Variants in TSHZ2 observed in about 807,000 individuals in gnomAD.
The protein encoded by TSHZ2 is teashirt homolog 2.
In TSHZ2, 21 loss-of-function variants were observed where a neutral mutation model predicts 74.4. The ratio of observed to expected loss-of-function variants is 0.28; its 90% CI spans 0.20 to 0.41. The LOEUF is 0.41. TSHZ2 is among the 10% of genes least tolerant of loss of function. The pLI, the probability that TSHZ2 is intolerant of heterozygous loss-of-function variation, is 1.00. For synonymous variants in TSHZ2, 540 were observed against 515.3 expected, an observed-to-expected ratio of 1.05 and a Z score of -0.65; for missense variants, 1,244 against 1,293.5, an observed-to-expected ratio of 0.96 and a Z score of 0.59.
At chr20:53,026,892 C>T (rs796640356) in intron 1 of TSHZ2, among the ~76,000 whole-genome samples, 38 of 152,108 alleles carry the variant, frequency 2.5e-4, no homozygotes, top group African/African-American at 8.9e-4. Context: ...AATCCCAGCA[C>T]TTTTGGAGAT....
chr20:53,378,525 CT>C (rs1268142447), intron 2 of TSHZ2, among the ~76,000 whole-genome samples: 1 of 151,560 alleles, frequency 6.6e-6, no homozygotes, highest in African/African-American at 2.4e-5. Context: ...GGTTTTCCCC[CT>C]GTTTCAGTGT....
chr20:53,036,645 TTATA>T (rs908912424), intron 1 of TSHZ2, among the ~76,000 whole-genome samples: 4 of 146,782 alleles, frequency 2.7e-5, no homozygotes, highest in African/African-American at 9.9e-5. Context: ...GCATTACACA[TTATA>T]TATTATATAT....
At chr20:53,353,236 CA>C (rs1980723074) in intron 2 of TSHZ2, among the ~76,000 whole-genome samples, 1 of 152,172 alleles carries the variant, frequency 6.6e-6, no homozygotes, top group South Asian at 2.1e-4. Flanking sequence ...GCTGTGACTG[CA>C]TAGCAAACAC....
intron 2 of TSHZ2, among the ~76,000 whole-genome samples, chr20:53,273,743 A>G (rs948566610): frequency 6.6e-6 from 1 of 152,158 alleles, no homozygotes. Flanking sequence ...ATGGGAAGGA[A>G]TGCGTGGACC....
chr20:53,385,222 A>G (rs1336836050), intron 2 of TSHZ2, among the ~76,000 whole-genome samples: 1 of 152,218 alleles, frequency 6.6e-6, no homozygotes, highest in Non-Finnish European at 1.5e-5. Flanking sequence ...TAGGAATAAT[A>G]TAAAAACAGG....
At chr20:53,109,276 G>A (rs1030467715) in intron 1 of TSHZ2, among the ~76,000 whole-genome samples, 1 of 152,194 alleles carries the variant, frequency 6.6e-6, no homozygotes, top group South Asian at 2.1e-4. Context: ...TGGCCCACAG[G>A]AAGTGCTCAT....
intron 1 of TSHZ2, among the ~76,000 whole-genome samples, chr20:53,076,254 G>T (rs1015992733): frequency 4.6e-5 from 7 of 152,186 alleles, no homozygotes; most frequent in Admixed American, 3.9e-4. Flanking sequence ...CTGGATGACA[G>T]CAGAAAGGAT....
chr20:53,174,291 TAGAAAA>T (rs1463883387), intron 1 of TSHZ2, among the ~76,000 whole-genome samples: 5 of 152,060 alleles, frequency 3.3e-5, no homozygotes, highest in East Asian at 3.9e-4. Flanking sequence ...TAAAATCAAG[TAGAAAA>T]AGAAAAAGGA....
At chr20:53,051,580 A>G (rs1054661046) in intron 1 of TSHZ2, among the ~76,000 whole-genome samples, 1 of 152,036 alleles carries the variant, frequency 6.6e-6, no homozygotes, top group Non-Finnish European at 1.5e-5. Context: ...GATATCAAGT[A>G]GTTTTATTGA....
intron 1 of TSHZ2, among the ~76,000 whole-genome samples, chr20:53,145,055 A>G (rs568568367): frequency 6.6e-6 from 1 of 152,346 alleles, no homozygotes; most frequent in South Asian, 2.1e-4. Flanking sequence ...ACAAGAATGT[A>G]TTCAACTAAA....
chr20:53,013,011 G>GA (rs1054438512), intron 1 of TSHZ2, among the ~76,000 whole-genome samples: 1 of 151,866 alleles, frequency 6.6e-6, no homozygotes, highest in African/African-American at 2.4e-5. Flanking sequence ...TATGATCTCA[G>GA]AAAAAAAGAA....
At chr20:53,102,647 A>G (rs984891084) in intron 1 of TSHZ2, among the ~76,000 whole-genome samples, 1 of 152,216 alleles carries the variant, frequency 6.6e-6, no homozygotes, top group East Asian at 1.9e-4. Context: ...GGGTTCTACA[A>G]TAGTGATTCT....
intron 1 of TSHZ2, among the ~76,000 whole-genome samples, chr20:52,977,021 A>G (rs1981366636): frequency 6.6e-6 from 1 of 152,214 alleles, no homozygotes; most frequent in Non-Finnish European, 1.5e-5. Flanking sequence ...TCATTACTTA[A>G]AAGTTGCAAT....
chr20:53,081,189 T>TA (rs1223028894), intron 1 of TSHZ2, among the ~76,000 whole-genome samples: 1 of 152,074 alleles, frequency 6.6e-6, no homozygotes. Context: ...CTGTTTTTTT[T>TA]ATTATCTTAT....
At chr20:53,320,710 A>G (rs1442633067) in intron 2 of TSHZ2, among the ~76,000 whole-genome samples, 2 of 152,190 alleles carry the variant, frequency 1.3e-5, no homozygotes, top group Non-Finnish European at 2.9e-5. Flanking sequence ...CAACAGAAAA[A>G]ATAAAAAAGA....
chr20:53,473,980 A>G (rs1230137337), intron 2 of TSHZ2, among the ~76,000 whole-genome samples: 2 of 152,002 alleles, frequency 1.3e-5, no homozygotes, highest in Middle Eastern at 3.4e-3. Flanking sequence ...AGAAATGAGC[A>G]AAGCCTCCAA....
At chr20:53,291,562 GA>G (rs1991279142) in intron 2 of TSHZ2, among the ~76,000 whole-genome samples, 1 of 151,478 alleles carries the variant, frequency 6.6e-6, no homozygotes, top group South Asian at 2.1e-4. Flanking sequence ...CCAGCTAACA[GA>G]AAAAAAGTTT....
intron 2 of TSHZ2, among the ~76,000 whole-genome samples, chr20:53,317,737 G>C (rs1445326604): frequency 6.6e-6 from 1 of 152,196 alleles, no homozygotes; most frequent in African/African-American, 2.4e-5. Flanking sequence ...TTTTCTTACA[G>C]AGAGCAGCCC....
rs1186991511 is a variant in TSHZ2, at chr20:53,053,937, C to T, written c.40+80604C>T. On this transcript the variant is annotated intron_variant, in intron 1 of 2. Coordinates refer to ENST00000371497, the MANE Select transcript of TSHZ2 (RefSeq NM_173485.6). ...AATTAGTGACTGCGCCCTAACTGAACTCATAGTGTTTTCTGTATCACAGTT... is the reference window on the plus strand; with the variant it reads ...AATTAGTGACTGCGCCCTAACTGAATTCATAGTGTTTTCTGTATCACAGTT... Among the ~76,000 whole-genome samples the T allele has an allele frequency of 2.0e-5, 3 of 152,316 alleles. No individual in the cohort carries two copies. The East Asian group carries it at 5.8e-4, about 29-fold the overall frequency.
Sources: gnomAD v4.1 joint callset for allele counts (sites outside exome capture counted in the v4.1 genomes callset) on GRCh38, gnomAD v4.1.1 for gene constraint, MANE v1.5 for transcripts, NCBI Gene and HGNC (gene_info 2026-07-23, HGNC 2026-07-21) for gene names.